P3H2: variants seen among roughly 807,000 people sequenced by gnomAD.
P3H2 encodes leprecan-like 1.
P3H2 carries 80 observed loss-of-function variants against 87.0 expected under a neutral mutation model. The ratio of observed to expected loss-of-function variants is 0.92; its 90% CI spans 0.77 to 1.11. P3H2 has a LOEUF of 1.11. P3H2 is among the 50% of genes least tolerant of loss of function. P3H2 has a pLI of 0.00. For synonymous variants in P3H2, 367 were observed against 359.3 expected, an observed-to-expected ratio of 1.02 and a Z score of -0.24; for missense variants, 1,001 against 923.9, an observed-to-expected ratio of 1.08 and a Z score of -1.08.
At chr3:190,049,837 T>C (rs972135824) in intron 1 of P3H2, among the ~76,000 whole-genome samples, 2 of 152,190 alleles carry the variant, frequency 1.3e-5, no homozygotes, top group African/African-American at 4.8e-5. Context: ...TTCTGAAGCA[T>C]ATTTGTTCCA....
At position 189,987,677 on chromosome 3, in the gene P3H2, A is replaced by G; in HGVS notation, c.956-8T>C. ...CTTTCACATACTCACCAACTGAAAG[A>G]CAAAGGAGTTGCAGCATTAGAGTCA... On this transcript the variant is annotated splice_polypyrimidine_tract_variant and splice_region_variant and intron_variant, in intron 4 of 14. Coordinates refer to ENST00000319332, the MANE Select transcript of P3H2 (RefSeq NM_018192.4). 6.2e-7 allele frequency: 1 copy of G among 1,613,984 alleles called. No individual in the cohort carries two copies. The highest frequency in any genetic ancestry group is 1.1e-5 in the South Asian group (1 of 91,078).
At chr3:190,029,701 A>T (rs934557599) in intron 1 of P3H2, among the ~76,000 whole-genome samples, 1 of 152,200 alleles carries the variant, frequency 6.6e-6, no homozygotes, top group Non-Finnish European at 1.5e-5. Flanking sequence ...TTATTTGAGG[A>T]AACAAAGATA....
At position 190,002,543 on chromosome 3, in the gene P3H2, G is replaced by A. The variant is rs961246205; in HGVS notation, c.481-7101C>T. ...AGCCTCCCAAGCAGCTGGGATTACA[G>A]GCACGCGCCAACACACCCGGCTAAT... is the stretch of plus-strand genomic sequence containing the variant. On this transcript the variant is annotated intron_variant, in intron 1 of 14. Coordinates refer to ENST00000319332, the MANE Select transcript of P3H2 (RefSeq NM_018192.4). 2.5e-4 allele frequency among the ~76,000 whole-genome samples: 38 copies of A among 152,002 alleles called. 1 individual carries two copies. Among genetic ancestry groups the A allele is most frequent in the Admixed American group, 2.4e-3 (36 of 15,262 alleles).
At chr3:189,960,001 C>T (rs1722765951) in intron 14 of P3H2, among the ~76,000 whole-genome samples, 1 of 152,078 alleles carries the variant, frequency 6.6e-6, no homozygotes, top group African/African-American at 2.4e-5. Flanking sequence ...CCTGCCGCCT[C>T]CACGTCCTCT....
In P3H2 at chr3:189,973,964, G is replaced by A. The variant is rs1723266710; in HGVS notation, c.1493C>T (p.Ser498Leu). ...LVGDGYRGKT[S>L]PHTPNEKFEG... ...AAACTTTTCATTGGGTGTATGGGGT[G>A]AAGTTTTTCCTCTGTATCCATCACC... is the stretch of plus-strand genomic sequence containing the variant. The change falls in exon 10 of 15, where the codon TCA (serine) becomes TTA (leucine). Residue 498 changes from serine to leucine, a missense_variant. Transcript: ENST00000319332. 3 of 1,614,142 alleles carry A rather than the reference G, an allele frequency of 1.9e-6. No individual in the cohort carries two copies. In the African/African-American group the frequency reaches 4.0e-5, roughly 22 times the overall value.
At chr3:190,011,316 C>T (rs1724581450) in intron 1 of P3H2, among the ~76,000 whole-genome samples, 1 of 150,440 alleles carries the variant, frequency 6.6e-6, no homozygotes, top group Non-Finnish European at 1.5e-5. Flanking sequence ...ATGAAAATGT[C>T]TGCTTTTCTT....
chr3:190,110,318 T>C lies in P3H2; in HGVS notation c.480+9934A>G, dbSNP rs560378631. Among the ~76,000 whole-genome samples the C allele has an allele frequency of 3.3e-4, 51 of 152,302 alleles. 1 individual carries two copies. Among genetic ancestry groups the C allele is most frequent in the African/African-American group, 1.1e-3 (46 of 41,562 alleles). ...AACAGGTAAAGGCCAGGAATGTTGC[T>C]GGCCATCCTAAAATGCACAGGACAG... On this transcript the variant is annotated intron_variant, in intron 1 of 14. Coordinates refer to ENST00000319332, the MANE Select transcript of P3H2 (RefSeq NM_018192.4).
intron 8 of P3H2, among the ~76,000 whole-genome samples, chr3:189,975,171 C>T (rs983932085): frequency 1.9e-5 from 2 of 105,846 alleles, no homozygotes; most frequent in Non-Finnish European, 4.2e-5. Context: ...CTTGACTCTG[C>T]CTCAGTCTTC....
intron 1 of P3H2, among the ~76,000 whole-genome samples, chr3:190,041,468 AGAG>A (rs1725634964): frequency 6.6e-6 from 1 of 152,110 alleles, no homozygotes; most frequent in African/African-American, 2.4e-5. Context: ...GGAAATCCCG[AGAG>A]GTTCACAGCT....
rs780686120 is a variant in P3H2 at position 189,972,972 on chromosome 3, A to C, written c.1601T>G (p.Ile534Ser). Residue 534 changes from isoleucine (I) to serine (S), a missense_variant, in exon 11 of 15, where the codon ATC becomes AGC. Ile to Ser is a moderately radical substitution (Grantham distance 142). Transcript: ENST00000319332. ...PLKSARLFYD[I>S]SEKARRIVES... ...TACAATCCTTCGAGCCTTTTCGCTG[A>C]TGTCATAAAACAGACGAGCGCTCTT... The C allele has an allele frequency of 6.2e-7, 1 of 1,613,896 alleles. No homozygotes were observed. Among genetic ancestry groups the C allele is most frequent in the Non-Finnish European group, 8.5e-7 (1 of 1,179,900 alleles).
At chr3:190,098,911 T>C (rs1243114240) in intron 1 of P3H2, among the ~76,000 whole-genome samples, 2 of 152,170 alleles carry the variant, frequency 1.3e-5, no homozygotes, top group Non-Finnish European at 2.9e-5. Flanking sequence ...TTCTGTCACA[T>C]ACCACTTAGT....
chr3:189,976,647 C>A (rs774156495), intron 8 of P3H2, among the ~76,000 whole-genome samples: 1 of 152,168 alleles, frequency 6.6e-6, no homozygotes, highest in African/African-American at 2.4e-5. Context: ...TCATTTATTT[C>A]TAGTCTTTAA....
chr3:190,080,888 T>C (rs1304052803), intron 1 of P3H2, among the ~76,000 whole-genome samples: 1 of 152,200 alleles, frequency 6.6e-6, no homozygotes, highest in Admixed American at 6.5e-5. Flanking sequence ...CAGAACCTCA[T>C]AATTAAATAA....
chr3:190,114,333 G>T (rs1396676193), intron 1 of P3H2, among the ~76,000 whole-genome samples: 2 of 150,928 alleles, frequency 1.3e-5, no homozygotes, highest in Non-Finnish European at 2.9e-5. Flanking sequence ...ACAGGCGCCT[G>T]CCACCACGCC....
At chr3:189,988,174 A>C (rs1723765465) in intron 4 of P3H2, among the ~76,000 whole-genome samples, 1 of 152,148 alleles carries the variant, frequency 6.6e-6, no homozygotes, top group Non-Finnish European at 1.5e-5. Context: ...GTTCTGGAGG[A>C]AGCCCCTTAA....
chr3:189,998,872 C>A (rs763490719), intron 1 of P3H2, among the ~76,000 whole-genome samples: 1 of 152,114 alleles, frequency 6.6e-6, no homozygotes, highest in Non-Finnish European at 1.5e-5. Flanking sequence ...AAGATCATCA[C>A]GCAAGATTCT....
intron 1 of P3H2, among the ~76,000 whole-genome samples, chr3:190,105,743 A>T (rs1711807811): frequency 6.6e-6 from 1 of 152,210 alleles, no homozygotes; most frequent in Non-Finnish European, 1.5e-5. Context: ...GTACCAATCC[A>T]CTAAAGTATT....
chr3:189,999,120 C>T (rs1237671586), intron 1 of P3H2, among the ~76,000 whole-genome samples: 2 of 152,218 alleles, frequency 1.3e-5, no homozygotes, highest in Non-Finnish European at 2.9e-5. Flanking sequence ...TCTCTGAAAT[C>T]ATCATTCATA....
intron 1 of P3H2, among the ~76,000 whole-genome samples, chr3:190,007,982 A>ATATATATATATC (rs1274509730): frequency 1.5e-4 from 22 of 145,844 alleles, no homozygotes; most frequent in African/African-American, 5.5e-4. Context: ...ATATATATAT[A>ATATATATATATC]TATAGTAAAC....
Sources: allele counts gnomAD v4.1 joint callset (sites outside exome capture counted in the v4.1 genomes callset), GRCh38; gene constraint gnomAD v4.1.1; transcripts MANE v1.5; gene names NCBI Gene and HGNC (gene_info 2026-07-23, HGNC 2026-07-21).